Variants in EYA3 observed in about 807,000 individuals in gnomAD.
The protein encoded by EYA3 is protein phosphatase EYA3.
In EYA3, 39 loss-of-function variants were observed where a neutral mutation model predicts 80.0. The ratio of observed to expected loss-of-function variants is 0.49; its 90% confidence interval spans 0.38 to 0.64. EYA3 has a LOEUF of 0.64. Among genes scored for constraint, EYA3 ranks in the 30% least tolerant of loss-of-function variants. The pLI is 0.00. For missense variants in EYA3, 523 were observed against 676.1 expected (o/e 0.77, Z 2.51); for synonymous variants, 206 against 232.8 (o/e 0.88, Z 1.05).
At chr1:27,988,717 C>A in intron 15 of EYA3, 61 bp from the exon 16 acceptor site, 1 of 1,582,018 alleles carries the variant, frequency 6.3e-7, no homozygotes, top group Non-Finnish European at 8.6e-7. Context: ...AGCAAGAATT[C>A]GTATGTGCCA....
At chr1:28,001,993 G>A (rs547524315) in intron 11 of EYA3, among the ~76,000 whole-genome samples, 24 of 151,976 alleles carry the variant, frequency 1.6e-4, no homozygotes, top group Admixed American at 1.1e-3. Context: ...TCAGCTCACC[G>A]CAACCTCCGC....
chr1:27,983,229 A>G, intron 16 of EYA3, among the ~76,000 whole-genome samples: 1 of 152,340 alleles, frequency 6.6e-6, no homozygotes, highest in South Asian at 2.1e-4. Flanking sequence ...ATAAAAACTT[A>G]CACAAACAGC....
chr1:27,982,092 C>T (rs756453069), intron 16 of EYA3, among the ~76,000 whole-genome samples: 2 of 151,194 alleles, frequency 1.3e-5, no homozygotes, highest in African/African-American at 2.4e-5. Flanking sequence ...CTGCAACCTC[C>T]GCCTCCCAGG....
At chr1:27,979,587 A>G (rs1251377145) in intron 16 of EYA3, among the ~76,000 whole-genome samples, 2 of 152,208 alleles carry the variant, frequency 1.3e-5, no homozygotes, top group Non-Finnish European at 2.9e-5. Flanking sequence ...GCTGTGGGAA[A>G]GATACTTTAT....
chr1:28,060,671 G>A (rs1232804218), intron 1 of EYA3, among the ~76,000 whole-genome samples: 1 of 152,060 alleles, frequency 6.6e-6, no homozygotes, highest in Non-Finnish European at 1.5e-5. Context: ...CTGTCTTCTT[G>A]GCTTTTCAAT....
intron 16 of EYA3, among the ~76,000 whole-genome samples, chr1:27,979,314 G>A (rs1189017641): frequency 6.6e-6 from 1 of 152,154 alleles, no homozygotes; most frequent in Non-Finnish European, 1.5e-5. Context: ...TAGGCCTTAC[G>A]TCTTTCAGTG....
intron 16 of EYA3, among the ~76,000 whole-genome samples, chr1:27,978,798 T>C (rs1639116147): frequency 6.6e-6 from 1 of 152,160 alleles, no homozygotes; most frequent in Non-Finnish European, 1.5e-5. Context: ...ACCCCGTCTC[T>C]ACTAAAAAAC....
chr1:27,980,333 C>T (rs886182169), intron 16 of EYA3, among the ~76,000 whole-genome samples: 1 of 152,220 alleles, frequency 6.6e-6, no homozygotes, highest in Non-Finnish European at 1.5e-5. Flanking sequence ...CCACCAGATG[C>T]ACAGTCTACT....
chr1:28,087,455 TAATACAGTAAA>T (rs1048432105), intron 1 of EYA3, among the ~76,000 whole-genome samples: 2 of 152,102 alleles, frequency 1.3e-5, no homozygotes, highest in African/African-American at 4.8e-5. Flanking sequence ...ATAGAAAACT[TAATACAGTAAA>T]AATGAAAAAA....
intron 1 of EYA3, among the ~76,000 whole-genome samples, chr1:28,065,470 A>C (rs1270818406): frequency 6.6e-6 from 1 of 151,762 alleles, no homozygotes; most frequent in Admixed American, 6.6e-5. Context: ...ACGGGGTTTC[A>C]GCATGTTGAC....
At chr1:28,028,568 G>T (rs974995483) in intron 6 of EYA3, among the ~76,000 whole-genome samples, 1 of 150,070 alleles carries the variant, frequency 6.7e-6, no homozygotes, top group African/African-American at 2.4e-5. Context: ...TCACCCAGAT[G>T]ATTTCTTCTT....
In EYA3 at chr1:28,033,207, C is replaced by T. The variant is rs369628834; in HGVS notation, c.361+2337G>A. 7.2e-5 allele frequency among the ~76,000 whole-genome samples: 11 copies of T among 152,106 alleles called. No individual in the cohort carries two copies. The East Asian group carries it at 1.3e-3, about 19-fold the overall frequency. On this transcript the variant is annotated intron_variant, in intron 6 of 17. Transcript: ENST00000373871. ...ACACAATGTATCAAAATCTTGATTT[C>T]GAAAGAAAGAAATCAAGTGTTTTCT...
At chr1:27,981,416 T>C (rs1639293509) in intron 16 of EYA3, among the ~76,000 whole-genome samples, 1 of 152,170 alleles carries the variant, frequency 6.6e-6, no homozygotes, top group Non-Finnish European at 1.5e-5. Flanking sequence ...AGAAAATCTG[T>C]CTTTCAGATG....
intron 2 of EYA3, among the ~76,000 whole-genome samples, chr1:28,051,603 T>C (rs543234283): frequency 1.3e-5 from 2 of 152,048 alleles, no homozygotes; most frequent in East Asian, 3.9e-4. Flanking sequence ...AGGAGAATCG[T>C]CTGAACCTGG....
At chr1:28,025,728 G>C (rs1035072450) in intron 7 of EYA3, among the ~76,000 whole-genome samples, 2 of 152,066 alleles carry the variant, frequency 1.3e-5, no homozygotes, top group Non-Finnish European at 2.9e-5. Flanking sequence ...TGAAGTTTAA[G>C]GGATATTTTC....
Position 28,035,567 on chromosome 1 carries a change from T to C in EYA3, c.338A>G (p.Gln113Arg). The C allele has an allele frequency of 6.2e-7, 1 of 1,614,104 alleles. No individual in the cohort carries two copies. Residue 113 changes from glutamine (Q) to arginine (R), a missense_variant, in exon 6 of 18, where the codon CAA becomes CGA. By Grantham distance (43) the Gln-to-Arg change is conservative (BLOSUM62 1). Coordinates refer to ENST00000373871, the MANE Select transcript of EYA3 (RefSeq NM_001990.4). ...QPYAVYPQAT[Q>R]TYGLPPFGAL... ...ACCAAAAGGAGGTAGTCCATACGTT[T>C]GGGTTGCCTGAGGGTAGACAGCATA...
At chr1:28,079,243 A>G (rs1454695378) in intron 1 of EYA3, among the ~76,000 whole-genome samples, 1 of 152,234 alleles carries the variant, frequency 6.6e-6, no homozygotes, top group African/African-American at 2.4e-5. Flanking sequence ...AGGATAGGCA[A>G]GGAACTGTTG....
chr1:28,072,502 C>G (rs1645051935), intron 1 of EYA3, among the ~76,000 whole-genome samples: 1 of 151,960 alleles, frequency 6.6e-6, no homozygotes, highest in African/African-American at 2.4e-5. Flanking sequence ...GATACCAGCA[C>G]ACACTTACTA....
At chr1:28,055,128 C>T (rs554173484) in intron 2 of EYA3, among the ~76,000 whole-genome samples, 4 of 152,190 alleles carry the variant, frequency 2.6e-5, no homozygotes, top group South Asian at 2.1e-4. Context: ...AAGTATATGA[C>T]GGAAAGCTGG....
Sources: gnomAD v4.1 joint callset for allele counts (sites outside exome capture counted in the v4.1 genomes callset) on GRCh38, gnomAD v4.1.1 for gene constraint, MANE v1.5 for transcripts, NCBI Gene and HGNC (gene_info 2026-07-23, HGNC 2026-07-21) for gene names.